Variants in SDK1 observed in about 807,000 individuals in gnomAD.
The protein encoded by SDK1 is sidekick cell adhesion molecule 1.
Under a neutral mutation model 245.5 loss-of-function variants are expected in SDK1, and 157 were observed. The ratio of observed to expected loss-of-function variants is 0.64; its 90% CI spans 0.56 to 0.73. The LOEUF is 0.73. Among genes scored for constraint, SDK1 ranks in the 30% least tolerant of loss-of-function variants. The probability of loss-of-function intolerance (pLI) is 0.00; values close to 1 mark genes in which losing one functional copy is unlikely to be tolerated. For synonymous variants in SDK1, 1,647 were observed against 1,278.5 expected, an observed-to-expected ratio of 1.29 and a Z score of -6.15; for missense variants, 3,583 against 3,002.3, an observed-to-expected ratio of 1.19 and a Z score of -4.52.
intron 5 of SDK1, among the ~76,000 whole-genome samples, chr7:3,944,539 T>G (rs1474783051): frequency 6.6e-6 from 1 of 152,262 alleles, no homozygotes; most frequent in African/African-American, 2.4e-5. Context: ...GAGTGTTTAT[T>G]ATATCTCAGA....
chr7:3,991,963 T>C (rs1472356086), intron 14 of SDK1, among the ~76,000 whole-genome samples: 3 of 152,224 alleles, frequency 2.0e-5, no homozygotes, highest in Non-Finnish European at 4.4e-5. Context: ...TAGCAGCAAG[T>C]GCACTAAAAT....
chr7:3,493,433 C>G (rs1351953602), intron 1 of SDK1, among the ~76,000 whole-genome samples: 1 of 152,142 alleles, frequency 6.6e-6, no homozygotes, highest in Non-Finnish European at 1.5e-5. Flanking sequence ...GTTTTGTTCT[C>G]AAAGAAAATT....
At position 3,553,939 on chromosome 7, in the gene SDK1, T is replaced by G. The variant is rs534861846; in HGVS notation, c.299-65141T>G. Among the ~76,000 whole-genome samples the G allele has an allele frequency of 3.3e-5, 5 of 152,130 alleles. No individual in the cohort carries two copies. The East Asian group carries it at 9.7e-4, about 29-fold the overall frequency. The stretch of plus-strand genomic sequence containing the variant: ...GGAGCCCCCATCAGAACCAGACAAA[T>G]GAAGCGGGCACAAAGAATGCTGCAA... On this transcript the variant is annotated intron_variant, in intron 1 of 44. Coordinates refer to ENST00000404826, the MANE Select transcript of SDK1 (RefSeq NM_152744.4).
At chr7:4,234,162 A>T (rs1562464383) in intron 41 of SDK1, among the ~76,000 whole-genome samples, 1 of 152,128 alleles carries the variant, frequency 6.6e-6, no homozygotes, top group Non-Finnish European at 1.5e-5. Flanking sequence ...GGGGCCGGGG[A>T]TAGTAGCTGC....
At chr7:3,833,162 A>G (rs1339531201) in intron 5 of SDK1, among the ~76,000 whole-genome samples, 1 of 152,128 alleles carries the variant, frequency 6.6e-6, no homozygotes, top group Non-Finnish European at 1.5e-5. Flanking sequence ...AACTCTAGAG[A>G]AGCTCTTAAA....
At chr7:3,572,691 A>C (rs755492209) in intron 1 of SDK1, among the ~76,000 whole-genome samples, 3 of 152,084 alleles carry the variant, frequency 2.0e-5, no homozygotes, top group Non-Finnish European at 2.9e-5. Flanking sequence ...GTAATGTAAC[A>C]GGCGTGATAC....
At chr7:4,176,111 C>T (rs558504023) in intron 34 of SDK1, among the ~76,000 whole-genome samples, 5 of 151,214 alleles carry the variant, frequency 3.3e-5, no homozygotes, top group Non-Finnish European at 5.9e-5. Context: ...CTCCAACTTC[C>T]TTCTTCCTTT....
chr7:3,406,630 C>T (rs1158452059), intron 1 of SDK1, among the ~76,000 whole-genome samples: 2 of 152,098 alleles, frequency 1.3e-5, no homozygotes, highest in Non-Finnish European at 2.9e-5. Flanking sequence ...TCATCCAGAC[C>T]AGGGCACTAA....
At chr7:4,054,750 T>C (rs984093568) in intron 19 of SDK1, among the ~76,000 whole-genome samples, 5 of 152,216 alleles carry the variant, frequency 3.3e-5, no homozygotes, top group African/African-American at 1.2e-4. Flanking sequence ...AGGATTTTTT[T>C]TTTTAATCAA....
In SDK1 at chr7:4,160,754, A is replaced by G. The variant is rs530543577; in HGVS notation, c.4730-1032A>G. Among the ~76,000 whole-genome samples, 28 of 152,320 alleles carry G rather than the reference A, an allele frequency of 1.8e-4. 1 individual carries two copies. The highest frequency in any genetic ancestry group is 6.5e-4 in the African/African-American group (27 of 41,578). ...TGTCAGGAAGCTGGCTAGAGGGCCC[A>G]CCATTAAGCTGGAACCACAGGAGGT... On this transcript the variant is annotated intron_variant, in intron 31 of 44. Coordinates refer to ENST00000404826, the MANE Select transcript of SDK1 (RefSeq NM_152744.4).
intron 1 of SDK1, among the ~76,000 whole-genome samples, chr7:3,368,800 G>A (rs966640656): frequency 2.0e-5 from 3 of 152,192 alleles, no homozygotes; most frequent in African/African-American, 7.2e-5. Context: ...TTAGAACCGT[G>A]TGTGACATGT....
intron 14 of SDK1, among the ~76,000 whole-genome samples, chr7:4,005,974 A>G (rs918977686): frequency 6.6e-6 from 1 of 152,172 alleles, no homozygotes; most frequent in African/African-American, 2.4e-5. Flanking sequence ...TGACTAAGGC[A>G]GGAGGATCGC....
chr7:3,802,443 G>T (rs1200088248), intron 4 of SDK1, among the ~76,000 whole-genome samples: 1 of 152,072 alleles, frequency 6.6e-6, no homozygotes, highest in Non-Finnish European at 1.5e-5. Flanking sequence ...GCTGAGGTGG[G>T]AGGATCACTT....
intron 29 of SDK1, among the ~76,000 whole-genome samples, chr7:4,147,954 T>G (rs1433952232): frequency 6.6e-6 from 1 of 152,092 alleles, no homozygotes; most frequent in Non-Finnish European, 1.5e-5. Flanking sequence ...TTTCCCCGTG[T>G]CCTGCCCCAC....
rs1328106451 is a variant in SDK1, at chr7:3,867,163, G to C, written c.847+45580G>C. On this transcript the variant is annotated intron_variant, in intron 5 of 44. Coordinates refer to ENST00000404826, the MANE Select transcript of SDK1 (RefSeq NM_152744.4). Reference sequence around the variant, plus strand: ...AAACACAGAAAAAGCTTGATTTTAAGTTAGATTGAAGTGAAATTAAAATTG... The same window carrying C: ...AAACACAGAAAAAGCTTGATTTTAACTTAGATTGAAGTGAAATTAAAATTG... Among the ~76,000 whole-genome samples, 120 of 152,300 alleles carry C rather than the reference G, an allele frequency of 7.9e-4. 1 individual carries two copies. The highest frequency in any genetic ancestry group is 2.9e-5 in the Non-Finnish European group (2 of 68,032).
At chr7:3,655,355 C>T (rs1213946636) in intron 4 of SDK1, among the ~76,000 whole-genome samples, 1 of 149,616 alleles carries the variant, frequency 6.7e-6, no homozygotes, top group Non-Finnish European at 1.5e-5. Context: ...ATCACTTGAA[C>T]CCAGGAGGTG....
At chr7:3,521,805 T>A (rs192689948) in intron 1 of SDK1, among the ~76,000 whole-genome samples, 1 of 152,190 alleles carries the variant, frequency 6.6e-6, no homozygotes, top group African/African-American at 2.4e-5. Context: ...GAATAAAATA[T>A]ACAGTTGTAC....
intron 14 of SDK1, among the ~76,000 whole-genome samples, chr7:4,003,508 G>T (rs957033610): frequency 6.6e-6 from 1 of 152,144 alleles, no homozygotes; most frequent in African/African-American, 2.4e-5. Flanking sequence ...GCAGGATCCC[G>T]TCCAGGATCT....
chr7:3,808,811 A>G (rs1779313814), intron 4 of SDK1, among the ~76,000 whole-genome samples: 1 of 152,212 alleles, frequency 6.6e-6, no homozygotes, highest in East Asian at 1.9e-4. Flanking sequence ...GATGTTGTTT[A>G]CACACAAATG....
Sources: gnomAD v4.1 joint callset for allele counts (sites outside exome capture counted in the v4.1 genomes callset) on GRCh38, gnomAD v4.1.1 for gene constraint, MANE v1.5 for transcripts, NCBI Gene and HGNC (gene_info 2026-07-23, HGNC 2026-07-21) for gene names.